The following IL21R variants were observed in gnomAD, a reference collection of about 807,000 sequenced individuals.
The protein encoded by IL21R is interleukin-21 receptor.
A neutral mutation model predicts 41.3 loss-of-function variants in IL21R; 14 were observed. That is an observed-to-expected ratio of 0.34 (90% confidence interval 0.22 to 0.53). The LOEUF is 0.53. Ranked by LOEUF, IL21R falls within the 20% of genes least tolerant of loss-of-function variation. The probability of loss-of-function intolerance (pLI) is 0.94; values close to 1 mark genes in which losing one functional copy is unlikely to be tolerated. For missense variants in IL21R, 588 were observed against 681.6 expected (o/e 0.86, Z 1.53); for synonymous variants, 286 against 287.6 (o/e 0.99, Z 0.05).
At chr16:27,424,068 C>T (rs2087037530) in intron 1 of IL21R, among the ~76,000 whole-genome samples, 1 of 151,996 alleles carries the variant, frequency 6.6e-6, no homozygotes, top group Non-Finnish European at 1.5e-5. Context: ...CTTTGTATTT[C>T]TTTTCTCTTC....
chr16:27,444,783 C>A, intron 6 of IL21R, 64 bp downstream of exon 6: 1 of 1,413,112 alleles, frequency 7.1e-7, no homozygotes. Context: ...TTCTAGCCAC[C>A]CTAAGCCCTG....
At chr16:27,447,352 G>A (rs1248419460) in intron 8 of IL21R, among the ~76,000 whole-genome samples, 2 of 152,262 alleles carry the variant, frequency 1.3e-5, no homozygotes, top group South Asian at 2.1e-4. Context: ...CTGAGGCACC[G>A]AGAGGGTAAG....
At chr16:27,436,604 G>A (rs1007582783) in intron 3 of IL21R, among the ~76,000 whole-genome samples, 8 of 152,126 alleles carry the variant, frequency 5.3e-5, no homozygotes, top group African/African-American at 1.9e-4. Flanking sequence ...ATTAATATCC[G>A]GTAAACTACT....
At chr16:27,419,603 T>G (rs2086966032) in intron 1 of IL21R, among the ~76,000 whole-genome samples, 1 of 152,150 alleles carries the variant, frequency 6.6e-6, no homozygotes, top group Non-Finnish European at 1.5e-5. Flanking sequence ...AATTTTTGTA[T>G]TTTTAGTAGA....
intron 1 of IL21R, among the ~76,000 whole-genome samples, chr16:27,407,742 T>C (rs2891016): frequency 0.23 from 35,378 of 152,078 alleles, 4,303 homozygotes; most frequent in African/African-American, 0.29. Flanking sequence ...GGAGACTCAC[T>C]TGAACCCGGG....
At position 27,418,080 on chromosome 16, in the gene IL21R, TTTTA is replaced by T. The variant is rs1174459882; in HGVS notation, c.-16-11971_-16-11968del. On this transcript the variant is annotated intron_variant, in intron 1 of 8. Transcript: ENST00000337929. ...ATTTTATTTTATTTATGTTATTTTA[TTTTA>T]TTTAAGACGGAGGTTCGCTCTATCG... Among the ~76,000 whole-genome samples the T allele has an allele frequency of 4.0e-5, 6 of 151,362 alleles. No individual in the cohort carries two copies. The South Asian group carries it at 1.2e-3, about 31-fold the overall frequency.
chr16:27,421,867 T>TA (rs1438215194), intron 1 of IL21R, among the ~76,000 whole-genome samples: 2 of 152,112 alleles, frequency 1.3e-5, no homozygotes, highest in Non-Finnish European at 2.9e-5. Context: ...TTTCCTTACC[T>TA]AATTGCCTTG....
chr16:27,436,971 G>A (rs2087281177), intron 3 of IL21R, among the ~76,000 whole-genome samples: 1 of 152,144 alleles, frequency 6.6e-6, no homozygotes, highest in Admixed American at 6.5e-5. Flanking sequence ...GTACTGAGGA[G>A]GCTGAGGTGG....
In IL21R at chr16:27,440,676, C is replaced by T. The variant is rs117233539; in HGVS notation, c.353-2286C>T. 1.2e-4 allele frequency among the ~76,000 whole-genome samples: 19 copies of T among 152,280 alleles called. No homozygotes were observed. The East Asian group carries it at 3.7e-3, about 29-fold the overall frequency. On this transcript the variant is annotated intron_variant, in intron 4 of 8. Transcript: ENST00000337929. The stretch of plus-strand genomic sequence containing the variant: ...AGGACAAAACCTCTGCCCCAAGGAG[C>T]TAAGAGCCCAGTGAGGGAGGCACAT...
At chr16:27,443,237 G>A in intron 5 of IL21R, 121 bp downstream of exon 5, 1 of 867,334 alleles carries the variant, frequency 1.2e-6, no homozygotes, top group Non-Finnish European at 1.7e-6. Flanking sequence ...CAGAGACCAA[G>A]GGCACGAGCA....
At chr16:27,434,496 C>G (rs56164545) in intron 3 of IL21R, 47 bp downstream of exon 3, 3 of 1,230,072 alleles carry the variant, frequency 2.4e-6, no homozygotes, top group East Asian at 4.8e-5. Flanking sequence ...ATTCAGGGTG[C>G]CTGCTCAGTG....
chr16:27,437,439 C>T (rs1342820918), intron 3 of IL21R, 49 bp from the exon 4 acceptor site: 2 of 1,476,824 alleles, frequency 1.4e-6, no homozygotes, highest in African/African-American at 1.4e-5. Context: ...CCACCACCAT[C>T]CCCCCTGCCC....
chr16:27,449,247 T>G lies in IL21R; in HGVS notation c.1581T>G (p.Pro527=). 2 of 1,609,518 alleles carry G rather than the reference T, an allele frequency of 1.2e-6. No homozygotes were observed. Among genetic ancestry groups the G allele is most frequent in the Non-Finnish European group, 1.7e-6 (2 of 1,178,282 alleles). The change falls in exon 9 of 9, where the codon CCT becomes CCG. Residue 527 remains proline (P), a synonymous_variant. Transcript: ENST00000337929. ...ACCTCCGCCAGTGGGTGGTCATTCCTCCGCCACTTTCGAGCCCTGGACCCC... is the reference window on the plus strand; with the variant it reads ...ACCTCCGCCAGTGGGTGGTCATTCCGCCGCCACTTTCGAGCCCTGGACCCC... ...RSYLRQWVVI[P]PPLSSPGPQA... is the part of the protein sequence containing the mutation.
chr16:27,444,975 G>T (rs1011646570), intron 6 of IL21R, among the ~76,000 whole-genome samples: 15 of 152,136 alleles, frequency 9.9e-5, no homozygotes, highest in Non-Finnish European at 2.1e-4. Flanking sequence ...GATAACTTAG[G>T]CTCAGAGAAA....
At chr16:27,417,840 G>A (rs1040871352) in intron 1 of IL21R, among the ~76,000 whole-genome samples, 11 of 152,086 alleles carry the variant, frequency 7.2e-5, no homozygotes, top group African/African-American at 2.7e-4. Context: ...TGCAGGATTC[G>A]AAGTTGCTCT....
chr16:27,448,569 G>T lies in IL21R; in HGVS notation c.903G>T (p.Leu301=), dbSNP rs762326301. The change falls in exon 9 of 9, where the codon CTG becomes CTT. Residue 301 remains leucine, a synonymous_variant. Coordinates refer to ENST00000337929, the MANE Select transcript of IL21R (RefSeq NM_181078.3). The stretch of plus-strand genomic sequence containing the variant: ...GTGCACCCTTCACTGGCTCCAGCCT[G>T]GAGCTGGGACCCTGGAGCCCAGAGG... ...WVGAPFTGSS[L]ELGPWSPEVP... The T allele has an allele frequency of 4.3e-6, 7 of 1,610,782 alleles. No individual in the cohort carries two copies. In the African/African-American group the frequency reaches 5.3e-5, roughly 12 times the overall value.
intron 1 of IL21R, among the ~76,000 whole-genome samples, chr16:27,406,106 A>G (rs536946157): frequency 2.6e-5 from 4 of 152,390 alleles, no homozygotes; most frequent in East Asian, 1.9e-4. Flanking sequence ...GGGCTTGCCA[A>G]CTTTCCCCAG....
At chr16:27,445,933 TG>T in intron 7 of IL21R, 73 bp from the exon 8 acceptor site, 1 of 1,177,718 alleles carries the variant, frequency 8.5e-7, no homozygotes, top group Non-Finnish European at 1.2e-6. Context: ...AGGATGAAGC[TG>T]GGGAGCGTCC....
chr16:27,437,888 T>A (rs540810666), intron 4 of IL21R, among the ~76,000 whole-genome samples: 27 of 152,242 alleles, frequency 1.8e-4, no homozygotes, highest in African/African-American at 6.5e-4. Flanking sequence ...AGTCTCGAAC[T>A]CCTGGGCTCC....
Sources: gnomAD v4.1 joint callset for allele counts (sites outside exome capture counted in the v4.1 genomes callset) on GRCh38, gnomAD v4.1.1 for gene constraint, MANE v1.5 for transcripts, NCBI Gene and HGNC (gene_info 2026-07-23, HGNC 2026-07-21) for gene names.